Variants in TRIT1 observed in about 807,000 individuals in gnomAD.
The protein encoded by TRIT1 is tRNA isopentenyltransferase 1, also known as tRNA dimethylallyltransferase.
In TRIT1, 43 loss-of-function variants were observed where a neutral mutation model predicts 51.2. The ratio of observed to expected loss-of-function variants is 0.84; its 90% confidence interval spans 0.66 to 1.08. The LOEUF is 1.08. Among genes scored for constraint, TRIT1 ranks in the 50% least tolerant of loss-of-function variants. The pLI, the probability that TRIT1 is intolerant of heterozygous loss-of-function variation, is 0.00. For synonymous variants in TRIT1, 184 were observed against 203.9 expected (o/e 0.90, Z 0.83); for missense variants, 528 against 578.4 (o/e 0.91, Z 0.89).
intron 3 of TRIT1, among the ~76,000 whole-genome samples, chr1:39,853,110 C>T (rs925207306): frequency 4.6e-5 from 7 of 152,304 alleles, no homozygotes; most frequent in African/African-American, 1.7e-4. Context: ...GCTTCCCTGT[C>T]AGAAGTTCAA....
chr1:39,844,745 A>G, intron 8 of TRIT1, 105 bp from the exon 9 acceptor site: 1 of 754,516 alleles, frequency 1.3e-6, no homozygotes, highest in South Asian at 1.5e-5. Flanking sequence ...CCAAAGGAGT[A>G]AACATTCTGA....
At position 39,841,512 on chromosome 1, in the gene TRIT1, C is replaced by T; in HGVS notation, c.*232G>A. The T allele has an allele frequency of 2.5e-6, 1 of 399,364 alleles. No homozygotes were observed. The highest frequency in any genetic ancestry group is 4.4e-6 in the Non-Finnish European group (1 of 225,500). 24.7% of individuals were successfully genotyped at this position (399,364 alleles called of 1,614,324 possible). A position where few individuals can be genotyped will look rare whatever the true frequency, so the allele number is the denominator to read the frequency against. Reference sequence around the variant, plus strand: ...GTTCAAAGAAAAAAAAAATGCTTTCCTGAACTACATCATTTCCAGACACAT... The same window carrying T: ...GTTCAAAGAAAAAAAAAATGCTTTCTTGAACTACATCATTTCCAGACACAT... On this transcript the variant is annotated 3_prime_UTR_variant, in exon 11 of 11. Coordinates refer to ENST00000316891, the MANE Select transcript of TRIT1 (RefSeq NM_017646.6).
intron 1 of TRIT1, among the ~76,000 whole-genome samples, chr1:39,881,007 C>T (rs1644244097): frequency 6.6e-6 from 1 of 151,912 alleles, no homozygotes; most frequent in South Asian, 2.1e-4. Context: ...CACCTGAGGT[C>T]AGGAGTTCGA....
intron 2 of TRIT1, among the ~76,000 whole-genome samples, chr1:39,855,781 G>C (rs1188493843): frequency 1.3e-5 from 2 of 152,160 alleles, no homozygotes; most frequent in Non-Finnish European, 2.9e-5. Flanking sequence ...CACGGGAAAA[G>C]GTTTAACTTA....
At chr1:39,844,445 TG>T in intron 9 of TRIT1, 85 bp downstream of exon 9, 2 of 1,114,244 alleles carry the variant, frequency 1.8e-6, no homozygotes, top group Non-Finnish European at 2.7e-6. Context: ...AAAGAAGGCC[TG>T]GTTCTTCAAT....
Position 39,864,591 on chromosome 1 carries a change from C to G in TRIT1, c.175-7174G>C, listed in dbSNP as rs545488488. Among the ~76,000 whole-genome samples, 290 of 117,134 alleles carry G rather than the reference C, an allele frequency of 2.5e-3. 4 individuals are homozygous for G. Among genetic ancestry groups the G allele is most frequent in the African/African-American group, 9.8e-3 (257 of 26,260 alleles). 76.8% of individuals were successfully genotyped at this position (117,134 alleles called of 152,430 possible). On this transcript the variant is annotated intron_variant, in intron 1 of 10. Transcript: ENST00000316891. ...GCCACTGCACTGACAGAGCGAGACT[C>G]TGTCTCAAAAAAAAAAAAAAAAAAA...
At chr1:39,881,295 T>C (rs556107069) in intron 1 of TRIT1, among the ~76,000 whole-genome samples, 23 of 151,650 alleles carry the variant, frequency 1.5e-4, no homozygotes, top group South Asian at 1.0e-3. Context: ...TTAGGTGTCA[T>C]CAGTGTAACT....
intron 1 of TRIT1, 112 bp from the exon 2 acceptor site, chr1:39,857,529 C>A: frequency 1.6e-6 from 2 of 1,215,540 alleles, no homozygotes; most frequent in Non-Finnish European, 2.3e-6. Flanking sequence ...TTCACTGACC[C>A]AAAGCACCAG....
chr1:39,851,240 A>G (rs1239011078), intron 4 of TRIT1, among the ~76,000 whole-genome samples: 2 of 152,222 alleles, frequency 1.3e-5, no homozygotes, highest in African/African-American at 4.8e-5. Context: ...AGATTAAAAA[A>G]AAAGAAAGTC....
intron 1 of TRIT1, among the ~76,000 whole-genome samples, chr1:39,868,770 T>C (rs1390254650): frequency 6.7e-6 from 1 of 150,314 alleles, no homozygotes; most frequent in Non-Finnish European, 1.5e-5. Flanking sequence ...GAAAAGAAGC[T>C]CAACACTGGC....
At chr1:39,857,150 G>T in intron 2 of TRIT1, 127 bp downstream of exon 2, 1 of 1,035,588 alleles carries the variant, frequency 9.7e-7, no homozygotes, top group Non-Finnish European at 1.4e-6. Flanking sequence ...TGATGGGGAT[G>T]GCATCCATCA....
chr1:39,855,393 T>A lies in TRIT1; in HGVS notation c.316-1325A>T, dbSNP rs184050739. ...TCTCTATTTCCCCCTTTAAATTAAG[T>A]ATAGGGAGCATACAATTTCCACAGT... On this transcript the variant is annotated intron_variant, in intron 2 of 10. Transcript: ENST00000316891. Among the ~76,000 whole-genome samples the A allele has an allele frequency of 1.2e-4, 19 of 152,288 alleles. No homozygotes were observed. In the East Asian group the frequency reaches 2.9e-3, roughly 23 times the overall value.
intron 1 of TRIT1, among the ~76,000 whole-genome samples, chr1:39,872,385 G>C (rs1386235594): frequency 3.9e-5 from 6 of 151,994 alleles, no homozygotes; most frequent in African/African-American, 1.4e-4. Flanking sequence ...GATACTGTAA[G>C]GATAAAAACA....
chr1:39,844,721 G>C, intron 8 of TRIT1, 81 bp from the exon 9 acceptor site: 2 of 971,358 alleles, frequency 2.1e-6, no homozygotes, highest in Admixed American at 3.8e-5. Flanking sequence ...AATCCTCCAG[G>C]GAAATACACA....
chr1:39,875,056 T>C (rs937097036), intron 1 of TRIT1, among the ~76,000 whole-genome samples: 1 of 152,258 alleles, frequency 6.6e-6, no homozygotes, highest in African/African-American at 2.4e-5. Context: ...ATCCTGTTGG[T>C]TCTGTTTACA....
rs796301599 is a variant in TRIT1, at chr1:39,840,552, G to A, written c.*1192C>T. On this transcript the variant is annotated 3_prime_UTR_variant, in exon 11 of 11. Coordinates refer to ENST00000316891, the MANE Select transcript of TRIT1 (RefSeq NM_017646.6). Reference sequence around the variant, plus strand: ...GCAATTATTTATAAGCTCCCTGAAGGCAAGAACCACATCTCATCTCTGCAT... The same window carrying A: ...GCAATTATTTATAAGCTCCCTGAAGACAAGAACCACATCTCATCTCTGCAT... 6.6e-6 allele frequency among the ~76,000 whole-genome samples: 1 copy of A among 152,126 alleles called. No homozygotes were observed. The highest frequency in any genetic ancestry group is 2.1e-4 in the South Asian group (1 of 4,828).
chr1:39,871,909 A>T (rs918145292), intron 1 of TRIT1, among the ~76,000 whole-genome samples: 6 of 152,070 alleles, frequency 3.9e-5, no homozygotes. Context: ...AAAATTTTTA[A>T]AAATGTTTTT....
Position 39,852,872 on chromosome 1 carries a change from TG to T in TRIT1, c.418del (p.Gln140ArgfsTer8), listed in dbSNP as rs1367142675. The T allele has an allele frequency of 3.7e-6, 6 of 1,614,014 alleles. No individual in the cohort carries two copies. In the African/African-American group the frequency reaches 8.0e-5, roughly 22 times the overall value. On this transcript the variant is annotated frameshift_variant, in exon 4 of 11. Coordinates refer to ENST00000316891, the MANE Select transcript of TRIT1 (RefSeq NM_017646.6). LOFTEE classifies it high-confidence loss of function. ...LWKVLVNTKPQEMGTEKVIDR... is the reference protein window; with the variant it reads ...LWKVLVNTKPXEMGTEKVIDR... ...AATCACTTTCTCAGTGCCCATCTCC[TG>T]GGGCTATTAAATGATGGTTTAGAAG... is the stretch of plus-strand genomic sequence containing the variant.
At position 39,852,885 on chromosome 1, in the gene TRIT1, T is replaced by C. The variant is rs1284746795; in HGVS notation, c.415-9A>G. On this transcript the variant is annotated splice_polypyrimidine_tract_variant and intron_variant, in intron 3 of 10. Coordinates refer to ENST00000316891, the MANE Select transcript of TRIT1 (RefSeq NM_017646.6). ...GTGCCCATCTCCTGGGGCTATTAAA[T>C]GATGGTTTAGAAGTATATTTAATTC... 1.2e-6 allele frequency: 2 copies of C among 1,613,852 alleles called. No homozygotes were observed. Among genetic ancestry groups the C allele is most frequent in the African/African-American group, 2.7e-5 (2 of 74,922 alleles).
Sources: gnomAD v4.1 joint callset for allele counts (sites outside exome capture counted in the v4.1 genomes callset) on GRCh38, gnomAD v4.1.1 for gene constraint, MANE v1.5 for transcripts, NCBI Gene and HGNC (gene_info 2026-07-23, HGNC 2026-07-21) for gene names.